SLIT3: variants seen among roughly 807,000 people sequenced by gnomAD.
SLIT3 encodes slit guidance ligand 3, also known as slit homolog 3 protein.
A neutral mutation model predicts 184.0 loss-of-function variants in SLIT3; 68 were observed. That is an observed-to-expected ratio of 0.37 (90% CI 0.30 to 0.45). The LOEUF (loss-of-function observed/expected upper bound fraction) is 0.45. SLIT3 is among the 20% of genes least tolerant of loss of function. SLIT3 has a pLI of 1.00. For missense variants in SLIT3, 1,707 were observed against 2,026.0 expected (o/e 0.84, Z 3.02); for synonymous variants, 831 against 828.6 (o/e 1.00, Z -0.05).
In SLIT3 at chr5:168,806,596, C is replaced by A. The variant is rs1756971813; in HGVS notation, c.794-9G>T. 1.9e-6 allele frequency: 3 copies of A among 1,613,952 alleles called. No homozygotes were observed. In the South Asian group the frequency reaches 3.3e-5, roughly 18 times the overall value. ...GGGCTCCGAGTGGGGGGCTGTGGAG[C>A]CAAGACACAACGGTCAACTTATGTC... On this transcript the variant is annotated splice_polypyrimidine_tract_variant and intron_variant, in intron 8 of 35. Transcript: ENST00000519560.
intron 5 of SLIT3, among the ~76,000 whole-genome samples, chr5:168,864,423 C>T (rs1251849965): frequency 6.6e-6 from 1 of 152,156 alleles, no homozygotes; most frequent in East Asian, 1.9e-4. Flanking sequence ...TTAGGTAGCT[C>T]CCAAGACATT....
At chr5:169,035,406 T>G (rs926373178) in intron 4 of SLIT3, among the ~76,000 whole-genome samples, 1 of 151,898 alleles carries the variant, frequency 6.6e-6, no homozygotes, top group Non-Finnish European at 1.5e-5. Flanking sequence ...TCCCAAAACT[T>G]TGGGAGGCCG....
chr5:168,707,912 C>A, intron 26 of SLIT3, 64 bp downstream of exon 26: 2 of 1,602,972 alleles, frequency 1.2e-6, no homozygotes, highest in South Asian at 2.2e-5. Context: ...GTGCCCCTCT[C>A]TAGGGCCAGG....
intron 1 of SLIT3, among the ~76,000 whole-genome samples, chr5:169,280,884 C>CGTGGTTTTAAAA (rs1766972113): frequency 6.6e-6 from 1 of 152,166 alleles, no homozygotes; most frequent in Non-Finnish European, 1.5e-5. Flanking sequence ...ACATATAACA[C>CGTGGTTTTAAAA]AGTGTGGTTT....
intron 4 of SLIT3, among the ~76,000 whole-genome samples, chr5:168,993,813 C>T (rs114064433): frequency 0.013 from 1,999 of 152,362 alleles, 15 homozygotes; most frequent in South Asian, 0.023. Context: ...GGTAGAGCCA[C>T]GTGATCAAAA....
At chr5:169,273,874 T>C (rs1468259242) in intron 1 of SLIT3, among the ~76,000 whole-genome samples, 1 of 152,170 alleles carries the variant, frequency 6.6e-6, no homozygotes, top group Non-Finnish European at 1.5e-5. Context: ...AGCCTAAGAA[T>C]CTTCACATTG....
At chr5:168,934,981 A>C (rs1175812481) in intron 4 of SLIT3, among the ~76,000 whole-genome samples, 4 of 149,344 alleles carry the variant, frequency 2.7e-5, no homozygotes, top group South Asian at 2.1e-4. Flanking sequence ...AAAAAAAAAA[A>C]ACAAAAATTA....
chr5:168,855,078 T>C (rs1245844813), intron 5 of SLIT3, among the ~76,000 whole-genome samples: 3 of 152,156 alleles, frequency 2.0e-5, no homozygotes, highest in Non-Finnish European at 4.4e-5. Context: ...GGAGAGCGGG[T>C]ACAGTCTCTG....
chr5:168,986,906 G>A (rs1052018521), intron 4 of SLIT3, among the ~76,000 whole-genome samples: 16 of 152,178 alleles, frequency 1.1e-4, no homozygotes, highest in Admixed American at 3.3e-4. Context: ...TATTTAGCCG[G>A]GCGTGGTGGC....
chr5:169,231,257 T>C (rs1198740065), intron 3 of SLIT3, among the ~76,000 whole-genome samples: 2 of 152,142 alleles, frequency 1.3e-5, no homozygotes, highest in African/African-American at 2.4e-5. Flanking sequence ...CAAATCAAAT[T>C]TGTACAGCCT....
chr5:169,202,775 CA>C (rs143759755), intron 3 of SLIT3, among the ~76,000 whole-genome samples: 10,289 of 151,762 alleles, frequency 0.068, 439 homozygotes, highest in South Asian at 0.12. Context: ...GAAAAGAAAA[CA>C]AGCACAAAGC....
chr5:168,979,841 A>G (rs1561586948), intron 4 of SLIT3, among the ~76,000 whole-genome samples: 1 of 152,200 alleles, frequency 6.6e-6, no homozygotes, highest in African/African-American at 2.4e-5. Flanking sequence ...GGTTTTCTCT[A>G]TTTTAACCTT....
chr5:168,749,545 AG>A lies in SLIT3; in HGVS notation c.2063del (p.Pro688LeufsTer34). On this transcript the variant is annotated frameshift_variant, in exon 19 of 36. Coordinates refer to ENST00000519560, the MANE Select transcript of SLIT3 (RefSeq NM_003062.4). LOFTEE classifies it high-confidence loss of function. ...LRKRRIVSGNPRCQKPFFLKE... is the reference protein window; with the variant it reads ...LRKRRIVSGNXRCQKPFFLKE... The stretch of plus-strand genomic sequence containing the variant: ...TGAGGAAAAATGGCTTCTGGCACCT[AG>A]GGTTCCCACTGACGATCCGCCTCTT... The A allele has an allele frequency of 6.2e-7, 1 of 1,614,144 alleles. No homozygotes were observed. The highest frequency in any genetic ancestry group is 1.1e-5 in the South Asian group (1 of 91,084).
chr5:169,052,178 G>T (rs940678728), intron 4 of SLIT3, among the ~76,000 whole-genome samples: 5 of 152,092 alleles, frequency 3.3e-5, no homozygotes, highest in Non-Finnish European at 5.9e-5. Flanking sequence ...GACAGAGAGG[G>T]CTCCTTCACC....
At chr5:169,172,546 C>A (rs982979730) in intron 4 of SLIT3, among the ~76,000 whole-genome samples, 3 of 152,212 alleles carry the variant, frequency 2.0e-5, no homozygotes, top group African/African-American at 7.2e-5. Flanking sequence ...TAGCACAACA[C>A]TTTCTGAATT....
chr5:169,146,336 C>T (rs1174425212), intron 4 of SLIT3, among the ~76,000 whole-genome samples: 3 of 152,224 alleles, frequency 2.0e-5, no homozygotes, highest in Non-Finnish European at 2.9e-5. Flanking sequence ...TAATACATGA[C>T]GCAGTGTTTG....
At chr5:168,853,967 C>G (rs74456132) in intron 5 of SLIT3, among the ~76,000 whole-genome samples, 2,693 of 152,296 alleles carry the variant, frequency 0.018, 87 homozygotes, top group African/African-American at 0.062. Flanking sequence ...TTTCCAAGCT[C>G]TCAGGGCCCT....
chr5:168,798,447 TC>T (rs1190108218), intron 9 of SLIT3, among the ~76,000 whole-genome samples: 1 of 152,190 alleles, frequency 6.6e-6, no homozygotes, highest in East Asian at 1.9e-4. Context: ...CAGGCTTATC[TC>T]AAACTCCTGG....
intron 26 of SLIT3, among the ~76,000 whole-genome samples, chr5:168,703,426 G>T (rs561923552): frequency 1.3e-5 from 2 of 152,104 alleles, no homozygotes; most frequent in East Asian, 3.9e-4. Context: ...CCTGAGCTCC[G>T]CCTCCTTTCA....
Sources: allele counts gnomAD v4.1 joint callset (sites outside exome capture counted in the v4.1 genomes callset), GRCh38; gene constraint gnomAD v4.1.1; transcripts MANE v1.5; gene names NCBI Gene and HGNC (gene_info 2026-07-23, HGNC 2026-07-21).